The following DNAAF4 variants were observed in gnomAD, a reference collection of about 807,000 sequenced individuals.
DNAAF4 encodes dynein assembly factor 4, axonemal.
In DNAAF4, 43 loss-of-function variants were observed where a neutral mutation model predicts 51.8. The ratio of observed to expected loss-of-function variants is 0.83; its 90% CI spans 0.65 to 1.07. DNAAF4 has a LOEUF of 1.07. DNAAF4 is among the 50% of genes least tolerant of loss of function. The probability of loss-of-function intolerance (pLI) is 0.00; values close to 1 mark genes in which losing one functional copy is unlikely to be tolerated. For synonymous variants in DNAAF4, 194 were observed against 165.6 expected (o/e 1.17, Z -1.32); for missense variants, 581 against 493.0 (o/e 1.18, Z -1.69).
At chr15:55,450,079 G>A (rs766431833) in intron 6 of DNAAF4, 143 bp downstream of exon 6, 1 of 1,001,842 alleles carries the variant, frequency 1.0e-6, no homozygotes. Flanking sequence ...TTCTCATAAG[G>A]AAATTCTAAA....
intron 4 of DNAAF4, among the ~76,000 whole-genome samples, chr15:55,473,174 CA>C (rs1383336923): frequency 3.4e-4 from 10 of 29,832 alleles, no homozygotes; most frequent in East Asian, 9.2e-4. Context: ...TCAAAACAAA[CA>C]AAAAAAAAAC....
intron 4 of DNAAF4, among the ~76,000 whole-genome samples, chr15:55,469,471 A>ATTTTTT (rs1567021420): frequency 5.7e-5 from 4 of 70,424 alleles, no homozygotes; most frequent in African/African-American, 1.1e-4. Context: ...ATGCTTACCA[A>ATTTTTT]TTCTTTTTTT....
intron 6 of DNAAF4, chr15:55,443,260 G>T: frequency 1.3e-6 from 2 of 1,587,364 alleles, no homozygotes; most frequent in Non-Finnish European, 1.7e-6. Flanking sequence ...TGACCTCAGC[G>T]CGGGTTGCGG....
chr15:55,486,993 C>T (rs187300991), intron 4 of DNAAF4, among the ~76,000 whole-genome samples: 57 of 152,232 alleles, frequency 3.7e-4, no homozygotes, highest in African/African-American at 1.1e-3. Context: ...TTAGCCAGAA[C>T]GAGCTTTCTA....
intron 1 of DNAAF4, among the ~76,000 whole-genome samples, chr15:55,507,818 G>A (rs1471975192): frequency 2.6e-5 from 4 of 152,098 alleles, no homozygotes; most frequent in African/African-American, 7.2e-5. Flanking sequence ...ACTCTAGCCT[G>A]AGTAACAGGG....
chr15:55,432,279 G>A (rs2057508755), intron 9 of DNAAF4, among the ~76,000 whole-genome samples: 1 of 152,036 alleles, frequency 6.6e-6, no homozygotes, highest in Non-Finnish European at 1.5e-5. Context: ...ACTGAAACTT[G>A]TTGTTTACAC....
At chr15:55,434,684 G>C (rs1238725380) in intron 8 of DNAAF4, among the ~76,000 whole-genome samples, 1 of 151,574 alleles carries the variant, frequency 6.6e-6, no homozygotes, top group East Asian at 1.9e-4. Context: ...AGTAACAGCT[G>C]ATTTTTAATC....
intron 5 of DNAAF4, 147 bp downstream of exon 5, chr15:55,466,783 C>G: frequency 1.1e-6 from 1 of 902,556 alleles, no homozygotes; most frequent in Non-Finnish European, 1.6e-6. Flanking sequence ...GAAGAAATGT[C>G]TTTACTTTAG....
At chr15:55,460,767 AT>A (rs543643696) in intron 5 of DNAAF4, among the ~76,000 whole-genome samples, 10,378 of 145,458 alleles carry the variant, frequency 0.071, 477 homozygotes, top group Non-Finnish European at 0.11. Flanking sequence ...AGTCTCAATA[AT>A]TTTTTTTTTT....
intron 8 of DNAAF4, among the ~76,000 whole-genome samples, chr15:55,433,840 ATATAT>A (rs1459884172): frequency 1.5e-4 from 11 of 73,656 alleles, no homozygotes; most frequent in South Asian, 3.1e-4. Context: ...TACATATATT[ATATAT>A]TATATATATT....
At chr15:55,507,675 CAT>C (rs759480013) in intron 1 of DNAAF4, among the ~76,000 whole-genome samples, 33 of 152,166 alleles carry the variant, frequency 2.2e-4, no homozygotes, top group Non-Finnish European at 3.4e-4. Context: ...CTGATTACCA[CAT>C]AGTCACACTG....
chr15:55,477,499 G>A (rs1031526532), intron 4 of DNAAF4, among the ~76,000 whole-genome samples: 6 of 151,964 alleles, frequency 3.9e-5, no homozygotes, highest in Non-Finnish European at 8.8e-5. Flanking sequence ...AGAAAATGGA[G>A]TTATATTAGA....
chr15:55,473,183 A>T, intron 4 of DNAAF4, among the ~76,000 whole-genome samples: 1 of 90,926 alleles, frequency 1.1e-5, no homozygotes, highest in Non-Finnish European at 2.1e-5. Context: ...ACAAAAAAAA[A>T]ACCTAAAAAA....
intron 8 of DNAAF4, among the ~76,000 whole-genome samples, chr15:55,433,032 G>C (rs1399273312): frequency 6.6e-6 from 1 of 152,078 alleles, no homozygotes; most frequent in East Asian, 1.9e-4. Flanking sequence ...GGGCCTGGTG[G>C]CTCACGCCTG....
chr15:55,479,564 AC>A (rs1186798122), intron 4 of DNAAF4, among the ~76,000 whole-genome samples: 1 of 151,976 alleles, frequency 6.6e-6, no homozygotes, highest in African/African-American at 2.4e-5. Context: ...AGGGAAGACA[AC>A]CATAAGGTCT....
intron 4 of DNAAF4, among the ~76,000 whole-genome samples, chr15:55,484,475 A>G (rs1030084357): frequency 2.1e-5 from 3 of 145,548 alleles, no homozygotes; most frequent in African/African-American, 7.7e-5. Context: ...ACAGAGTGAG[A>G]CTCCGTCTCA....
chr15:55,473,003 T>C (rs1467647983), intron 4 of DNAAF4, among the ~76,000 whole-genome samples: 1 of 151,036 alleles, frequency 6.6e-6, no homozygotes, highest in East Asian at 2.0e-4. Context: ...CCATCTCTAC[T>C]AAAAATACAA....
At chr15:55,452,112 G>C (rs1165725791) in intron 5 of DNAAF4, among the ~76,000 whole-genome samples, 1 of 151,438 alleles carries the variant, frequency 6.6e-6, no homozygotes, top group Non-Finnish European at 1.5e-5. Flanking sequence ...GTCAGGGGTG[G>C]TGGCAGGCAC....
chr15:55,468,897 T>C (rs1014077654), intron 4 of DNAAF4, among the ~76,000 whole-genome samples: 2 of 151,500 alleles, frequency 1.3e-5, no homozygotes, highest in Admixed American at 1.3e-4. Context: ...CTTCAGAGAG[T>C]AGTGATGAAG....
Sources: gnomAD v4.1 joint callset for allele counts (sites outside exome capture counted in the v4.1 genomes callset) on GRCh38, gnomAD v4.1.1 for gene constraint, MANE v1.5 for transcripts, NCBI Gene and HGNC (gene_info 2026-07-23, HGNC 2026-07-21) for gene names.